The following LIPE variants were observed in gnomAD, a reference collection of about 807,000 sequenced individuals.
LIPE encodes the protein lipase E, hormone sensitive type.
Under a neutral mutation model 88.5 loss-of-function variants are expected in LIPE, and 66 were observed. The ratio of observed to expected loss-of-function variants is 0.75; its 90% CI spans 0.61 to 0.91. The LOEUF is 0.91. Ranked by LOEUF, LIPE falls within the 40% of genes least tolerant of loss-of-function variation. The pLI is 0.00. For missense variants in LIPE, 1,346 were observed against 1,434.7 expected, an observed-to-expected ratio of 0.94 and a Z score of 1.00; for synonymous variants, 570 against 617.5, an observed-to-expected ratio of 0.92 and a Z score of 1.14.
chr19:42,410,319 G>A lies in LIPE; in HGVS notation c.1407C>T (p.Cys469=). 1 of 1,585,306 alleles carries A rather than the reference G, an allele frequency of 6.3e-7. No homozygotes were observed. Among genetic ancestry groups the A allele is most frequent in the Non-Finnish European group, 8.6e-7 (1 of 1,165,294 alleles). The change falls in exon 2 of 10, where the codon TGC becomes TGT. Residue 469 remains cysteine, a synonymous_variant. Coordinates refer to ENST00000244289, the MANE Select transcript of LIPE (RefSeq NM_005357.4). The surrounding 1 kb of genome is among the most constrained non-coding windows in gnomAD (Gnocchi z 6.1). ...TLHKGCFYGR[C]LGFQFTPAIR... ...GCAGGGGGCTCACCTGGAAGCCCAG[G>A]CAGCGGCCATAGAAGCATCCCTTAT...
chr19:42,426,226 C>A (rs745798893), intron 1 of LIPE, 41 bp downstream of exon 1: 3 of 1,510,528 alleles, frequency 2.0e-6, no homozygotes, highest in Non-Finnish European at 2.7e-6. Context: ...AAATGAATGA[C>A]TGTCCCTGAG....
chr19:42,423,718 G>T, intron 1 of LIPE: 2 of 1,128,476 alleles, frequency 1.8e-6, no homozygotes, highest in Non-Finnish European at 2.2e-6. Flanking sequence ...GCCCCCAACC[G>T]CCAGAATTTA....
Position 42,405,464 on chromosome 19 carries a change from G to C in LIPE, c.2463C>G (p.Arg821=), listed in dbSNP as rs1486026303. Residue 821 remains arginine, a synonymous_variant, in exon 8 of 10, where the codon CGC becomes CGG. Coordinates refer to ENST00000244289, the MANE Select transcript of LIPE (RefSeq NM_005357.4). ...AGTTGAGCCATGAGGAGGCACCCAG[G>C]CGGAAGTCTCGGAGGAGCAGGGCTG... The part of the protein sequence containing the change: ...RDTALLLRDF[R]LGASSWLNSF... 1 of 1,614,080 alleles carries C rather than the reference G, an allele frequency of 6.2e-7. No homozygotes were observed. The highest frequency in any genetic ancestry group is 1.1e-5 in the South Asian group (1 of 91,072).
In LIPE at chr19:42,426,995, G is replaced by A. The variant is rs2040720673; in HGVS notation, c.155C>T (p.Ala52Val). 6.2e-7 allele frequency: 1 copy of A among 1,613,942 alleles called. No homozygotes were observed. Among genetic ancestry groups the A allele is most frequent in the Non-Finnish European group, 8.5e-7 (1 of 1,179,978 alleles). Residue 52 changes from alanine (A) to valine (V), a missense_variant, in exon 1 of 10, where the codon GCT becomes GTT. Coordinates refer to ENST00000244289, the MANE Select transcript of LIPE (RefSeq NM_005357.4). ...LQGSNTQQKPASNQRPLTQQE... is the reference protein window; with the variant it reads ...LQGSNTQQKPVSNQRPLTQQE... ...CTGGGTGAGGGGTCTTTGGTTTGAA[G>A]CAGGCTTCTGTTGGGTATTGGATCC... is the stretch of plus-strand genomic sequence containing the variant.
intron 1 of LIPE, among the ~76,000 whole-genome samples, chr19:42,420,587 C>T (rs551225138): frequency 6.5e-4 from 99 of 152,026 alleles, no homozygotes; most frequent in African/African-American, 2.4e-3. Context: ...CCTCCCCACC[C>T]CCCAACTCCC....
rs540099534 is a variant in LIPE, at chr19:42,414,853, C to T, written c.884-4011G>A. ...GTCCACGTAAGAGGGCGAACTTTAC[C>T]GATTAATGCTGTGTGTGTTCTGACT... On this transcript the variant is annotated intron_variant, in intron 1 of 9. Transcript: ENST00000244289. This position sits in a 1 kb window ranked among gnomAD's most constrained non-coding sequence, Gnocchi z 4.6. 1.9e-4 allele frequency among the ~76,000 whole-genome samples: 29 copies of T among 152,308 alleles called. No individual in the cohort carries two copies. Among genetic ancestry groups the T allele is most frequent in the Non-Finnish European group, 3.2e-4 (22 of 68,036 alleles).
At chr19:42,424,060 G>A in intron 1 of LIPE, 1 of 1,184,846 alleles carries the variant, frequency 8.4e-7, no homozygotes, top group East Asian at 6.0e-5. Flanking sequence ...GGGCGCCAGC[G>A]CTGGAGGCGT....
At chr19:42,419,469 G>A (rs1026932334) in intron 1 of LIPE, among the ~76,000 whole-genome samples, 1 of 152,198 alleles carries the variant, frequency 6.6e-6, no homozygotes, top group Admixed American at 6.5e-5. Context: ...GGATGCTGAG[G>A]TTGCCAGCAA....
rs950733563 is a variant in LIPE, at chr19:42,406,346, C to A, written c.2180G>T (p.Gly727Val). 2 of 1,614,168 alleles carry A rather than the reference C, an allele frequency of 1.2e-6. No homozygotes were observed. The highest frequency in any genetic ancestry group is 1.7e-6 in the Non-Finnish European group (2 of 1,180,010). The change falls in exon 7 of 10, where the codon GGC becomes GTC. Residue 727 changes from glycine to valine, a missense_variant. Transcript: ENST00000244289. The surrounding 1 kb of genome is among the most constrained non-coding windows in gnomAD (Gnocchi z 5.7). Reference sequence around the variant, plus strand: ...AGCCACGGTGAAGCAGAGGTTCCCGCCTGCACTGTCCCCCGCAAGGCAGAT... The same window carrying A: ...AGCCACGGTGAAGCAGAGGTTCCCGACTGCACTGTCCCCCGCAAGGCAGAT... ...ERICLAGDSA[G>V]GNLCFTVALR...
intron 1 of LIPE, chr19:42,425,058 G>A (rs1019574333): frequency 1.4e-5 from 3 of 215,084 alleles, no homozygotes; most frequent in Admixed American, 1.1e-4. Context: ...AACCCGCAAG[G>A]CCCTTCCGCC....
At chr19:42,421,324 C>G (rs1342905111) in intron 1 of LIPE, among the ~76,000 whole-genome samples, 2 of 152,178 alleles carry the variant, frequency 1.3e-5, no homozygotes, top group Non-Finnish European at 2.9e-5. Flanking sequence ...ATACTGTCCT[C>G]TCTGTTCCCC....
At position 42,410,204 on chromosome 19, in the gene LIPE, C is replaced by A. The variant is rs552459220; in HGVS notation, c.1419+103G>T. On this transcript the variant is annotated intron_variant, in intron 2 of 9. Coordinates refer to ENST00000244289, the MANE Select transcript of LIPE (RefSeq NM_005357.4). The surrounding 1 kb of genome is among the most constrained non-coding windows in gnomAD (Gnocchi z 6.1). ...TTCTGTACCTGCTGTTTGCTGAGTC[C>A]GATAATGCTGACCACTGGTTACTTT... 27 of 1,200,874 alleles carry A rather than the reference C, an allele frequency of 2.2e-5. No homozygotes were observed. In the East Asian group the frequency reaches 4.9e-4, roughly 22 times the overall value. The allele number at this position is 1,200,874 out of a possible 1,614,324, so 74.4% of individuals were successfully genotyped here.
rs760454681 is a variant in LIPE, at chr19:42,410,324, G to A, written c.1402C>T (p.Arg468Cys). Residue 468 changes from arginine (R) to cysteine (C), a missense_variant, in exon 2 of 10, where the codon CGC (arginine) becomes TGC (cysteine). Arg to Cys is a radical substitution (Grantham distance 180, BLOSUM62 -3). Transcript: ENST00000244289. The surrounding 1 kb of genome is among the most constrained non-coding windows in gnomAD (Gnocchi z 6.1). ...VTLHKGCFYG[R>C]CLGFQFTPAI... is the part of the protein sequence containing the mutation. ...GGGCTCACCTGGAAGCCCAGGCAGC[G>A]GCCATAGAAGCATCCCTTATGCAGC... 23 of 1,592,790 alleles carry A rather than the reference G, an allele frequency of 1.4e-5. No individual in the cohort carries two copies. Among genetic ancestry groups the A allele is most frequent in the African/African-American group, 8.1e-5 (6 of 74,304 alleles).
chr19:42,423,256 C>T, intron 1 of LIPE: 1 of 410,338 alleles, frequency 2.4e-6, no homozygotes, highest in Non-Finnish European at 4.2e-6. Flanking sequence ...GTCACATCAC[C>T]CCCTTCTCAC....
rs765225330 is a variant in LIPE at position 42,426,999 on chromosome 19, G to A, written c.151C>T (p.Pro51Ser). 14 of 1,613,818 alleles carry A rather than the reference G, an allele frequency of 8.7e-6. No individual in the cohort carries two copies. The highest frequency in any genetic ancestry group is 1.0e-5 in the Non-Finnish European group (12 of 1,179,986). ...TLQGSNTQQK[P>S]ASNQRPLTQQ... ...GTGAGGGGTCTTTGGTTTGAAGCAG[G>A]CTTCTGTTGGGTATTGGATCCCTGC... The change falls in exon 1 of 10, where the codon CCT becomes TCT. Residue 51 changes from proline (P) to serine (S), a missense_variant. Transcript: ENST00000244289.
chr19:42,425,106 G>A (rs2040684136), intron 1 of LIPE: 1 of 189,088 alleles, frequency 5.3e-6, no homozygotes, highest in Non-Finnish European at 1.1e-5. Context: ...AGCCTGGCAG[G>A]GAGCAGGTAT....
intron 1 of LIPE, among the ~76,000 whole-genome samples, chr19:42,417,326 C>G (rs1240481049): frequency 1.3e-5 from 2 of 152,194 alleles, no homozygotes; most frequent in African/African-American, 2.4e-5. Flanking sequence ...GTGGCACGAT[C>G]ATACCTCACT....
intron 9 of LIPE, 104 bp from the exon 10 acceptor site, chr19:42,402,179 G>C: frequency 8.7e-7 from 1 of 1,147,928 alleles, no homozygotes; most frequent in Non-Finnish European, 1.2e-6. Context: ...CGGGAAATAC[G>C]GATACAGACG....
In LIPE at chr19:42,407,904, C is replaced by A; in HGVS notation, c.1656+72G>T. ...TTGTGTGCCATCCCTGGGCCTGGAG[C>A]CCCACAGAGACCTACTGTGGCCTCA... On this transcript the variant is annotated intron_variant, in intron 4 of 9. Transcript: ENST00000244289. The surrounding 1 kb of genome is among the most constrained non-coding windows in gnomAD (Gnocchi z 5.8). 1 of 1,572,370 alleles carries A rather than the reference C, an allele frequency of 6.4e-7. No homozygotes were observed. The highest frequency in any genetic ancestry group is 8.6e-7 in the Non-Finnish European group (1 of 1,159,056).
Sources: gnomAD v4.1 joint callset for allele counts (sites outside exome capture counted in the v4.1 genomes callset) on GRCh38, gnomAD v4.1.1 for gene constraint, Gnocchi (gnomAD v3.1) non-coding constraint, MANE v1.5 for transcripts, NCBI Gene and HGNC (gene_info 2026-07-23, HGNC 2026-07-21) for gene names.